The following STK33 variants were observed in gnomAD, a reference collection of about 807,000 sequenced individuals.
The protein encoded by STK33 is serine/threonine-protein kinase 33.
STK33 carries 52 observed loss-of-function variants against 58.0 expected under a neutral mutation model. That is an observed-to-expected ratio of 0.90 (90% CI 0.72 to 1.13). The LOEUF (loss-of-function observed/expected upper bound fraction) is 1.13. STK33 is among the 50% of genes most tolerant of loss of function. STK33 has a pLI of 0.00. For synonymous variants in STK33, 215 were observed against 200.1 expected, an observed-to-expected ratio of 1.07 and a Z score of -0.63; for missense variants, 630 against 604.2, an observed-to-expected ratio of 1.04 and a Z score of -0.45.
chr11:8,451,342 CA>C (rs1946249255), intron 11 of STK33, among the ~76,000 whole-genome samples: 1 of 152,062 alleles, frequency 6.6e-6, no homozygotes, highest in African/African-American at 2.4e-5. Flanking sequence ...ACATGTGCAT[CA>C]GGGGTAAGTA....
Position 8,392,375 on chromosome 11 carries a change from A to G in STK33, c.*135T>C. On this transcript the variant is annotated 3_prime_UTR_variant, in exon 16 of 16. Transcript: ENST00000687296. The stretch of plus-strand genomic sequence containing the variant: ...AGCAGCTTCAATTTTAAGCTGGTGC[A>G]AACACATGGCGGGGCTCTGTGGAGC... 2.9e-6 allele frequency: 3 copies of G among 1,033,458 alleles called. No homozygotes were observed. The highest frequency in any genetic ancestry group is 4.5e-5 in the Admixed American group (2 of 44,066). 64.0% of individuals were successfully genotyped at this position (1,033,458 alleles called of 1,614,324 possible).
chr11:8,380,273 T>C, the STK33 span, among the ~76,000 whole-genome samples: 2 of 152,128 alleles, frequency 1.3e-5, no homozygotes, highest in South Asian at 4.1e-4. Flanking sequence ...AGAACGGCCA[T>C]TATTGGCCAG....
chr11:8,531,553 G>A lies in STK33; in HGVS notation c.-465-50939C>T, dbSNP rs577709695. On this transcript the variant is annotated intron_variant, in intron 1 of 15. Transcript: ENST00000687296. ...AGCTGTCAACAGATGCTGGCGGATG[G>A]CAGGAGCTGAGCTGGGAGCTTAGCT... Among the ~76,000 whole-genome samples, 6 of 152,324 alleles carry A rather than the reference G, an allele frequency of 3.9e-5. No individual in the cohort carries two copies. In the East Asian group the frequency reaches 1.2e-3, roughly 29 times the overall value.
At chr11:8,535,614 A>C (rs535948278) in intron 1 of STK33, among the ~76,000 whole-genome samples, 6 of 152,314 alleles carry the variant, frequency 3.9e-5, no homozygotes, top group Admixed American at 3.3e-4. Flanking sequence ...GAGAAAAGGG[A>C]ACTCTTATAA....
Position 8,464,820 on chromosome 11 carries a change from T to A in STK33, c.342A>T (p.Glu114Asp), listed in dbSNP as rs1432695610. The change falls in exon 7 of 16, where the codon GAA (glutamate) becomes GAT (aspartate). Residue 114 changes from glutamate to aspartate, a missense_variant and splice_region_variant. Glu to Asp is a conservative substitution (Grantham distance 45). Coordinates refer to ENST00000687296, the MANE Select transcript of STK33 (RefSeq NM_001352389.2). ...CCAATATTCTTCCAAAGGTATAGAT[T>A]TCCTGGAGAAAAAAAAAAAAAGAGT... ...IRIENGAAIE[E>D]IYTFGRILGK... 1 of 1,584,150 alleles carries A rather than the reference T, an allele frequency of 6.3e-7. No individual in the cohort carries two copies. The highest frequency in any genetic ancestry group is 1.7e-5 in the Admixed American group (1 of 57,396).
intron 1 of STK33, among the ~76,000 whole-genome samples, chr11:8,522,714 CAAA>C (rs1371393846): frequency 1.3e-5 from 2 of 152,144 alleles, no homozygotes; most frequent in South Asian, 2.1e-4. Context: ...GTCAGCAAAA[CAAA>C]AAAAGGCAAT....
chr11:8,499,804 C>T (rs997093090), intron 1 of STK33, among the ~76,000 whole-genome samples: 1 of 151,998 alleles, frequency 6.6e-6, no homozygotes, highest in African/African-American at 2.4e-5. Context: ...ATCATTCTCA[C>T]CAAACTAACA....
At chr11:8,371,169 G>C in the STK33 span, among the ~76,000 whole-genome samples, 1 of 152,150 alleles carries the variant, frequency 6.6e-6, no homozygotes, top group Non-Finnish European at 1.5e-5. Context: ...ACCTTGTTTG[G>C]TAAAAACGCT....
chr11:8,406,002 G>A (rs1418402168), intron 15 of STK33, among the ~76,000 whole-genome samples: 1 of 152,052 alleles, frequency 6.6e-6, no homozygotes, highest in East Asian at 1.9e-4. Context: ...AATTAGCCGG[G>A]CATGGTGGCG....
intron 1 of STK33, among the ~76,000 whole-genome samples, chr11:8,513,552 C>T (rs1252516191): frequency 2.6e-5 from 4 of 152,156 alleles, no homozygotes; most frequent in South Asian, 2.1e-4. Flanking sequence ...CTACACTGCT[C>T]GTAGATCCAA....
chr11:8,521,301 G>C (rs1452829982), intron 1 of STK33, among the ~76,000 whole-genome samples: 2 of 152,092 alleles, frequency 1.3e-5, no homozygotes, highest in Non-Finnish European at 2.9e-5. Flanking sequence ...GAACAGAACA[G>C]AGCCCTTGGA....
At chr11:8,438,265 G>A (rs570533531) in intron 12 of STK33, among the ~76,000 whole-genome samples, 6 of 152,260 alleles carry the variant, frequency 3.9e-5, no homozygotes, top group African/African-American at 1.2e-4. Context: ...TGCACATCCA[G>A]AAAAGGGAAT....
chr11:8,563,934 G>C (rs1453041778), intron 1 of STK33, among the ~76,000 whole-genome samples: 1 of 151,960 alleles, frequency 6.6e-6, no homozygotes, highest in Non-Finnish European at 1.5e-5. Context: ...CTGAACTGTG[G>C]GGAAAAAAAA....
At chr11:8,343,903 C>G in the STK33 span, among the ~76,000 whole-genome samples, 51 of 152,280 alleles carry the variant, frequency 3.3e-4, 1 homozygote, top group East Asian at 9.1e-3. Flanking sequence ...CCCATTCCCC[C>G]CAAGGGAATC....
intron 15 of STK33, among the ~76,000 whole-genome samples, chr11:8,394,237 CT>C (rs1476388579): frequency 1.3e-5 from 2 of 152,174 alleles, no homozygotes; most frequent in Non-Finnish European, 2.9e-5. Flanking sequence ...TACAACACCC[CT>C]GATGTTAGAG....
chr11:8,511,484 G>C (rs1952318832), intron 1 of STK33, among the ~76,000 whole-genome samples: 1 of 152,106 alleles, frequency 6.6e-6, no homozygotes, highest in Non-Finnish European at 1.5e-5. Context: ...TCTCTTGTCT[G>C]ATTGCTGTGG....
chr11:8,586,652 C>T (rs921692436), intron 1 of STK33, among the ~76,000 whole-genome samples: 3 of 151,832 alleles, frequency 2.0e-5, no homozygotes, highest in African/African-American at 4.8e-5. Flanking sequence ...GGTGAAACCC[C>T]GTCTGTACTA....
At position 8,481,247 on chromosome 11, in the gene STK33, C is replaced by G. The variant is rs371226920; in HGVS notation, c.-465-633G>C. Reference sequence around the variant, plus strand: ...CCAGACCTCTGCAAACTTGACAACTCCAAACAGTCTACAACAAAACACCAA... The same window carrying G: ...CCAGACCTCTGCAAACTTGACAACTGCAAACAGTCTACAACAAAACACCAA... On this transcript the variant is annotated intron_variant, in intron 1 of 15. Coordinates refer to ENST00000687296, the MANE Select transcript of STK33 (RefSeq NM_001352389.2). Among the ~76,000 whole-genome samples, 19 of 152,306 alleles carry G rather than the reference C, an allele frequency of 1.2e-4. No individual in the cohort carries two copies. The East Asian group carries it at 2.3e-3, about 19-fold the overall frequency.
chr11:8,515,117 C>T (rs1952658061), intron 1 of STK33, among the ~76,000 whole-genome samples: 2 of 151,296 alleles, frequency 1.3e-5, no homozygotes, highest in South Asian at 4.2e-4. Flanking sequence ...GGAGAAAATA[C>T]AAAATATTGA....
Sources: allele counts gnomAD v4.1 joint callset (sites outside exome capture counted in the v4.1 genomes callset), GRCh38; gene constraint gnomAD v4.1.1; transcripts MANE v1.5; gene names NCBI Gene and HGNC (gene_info 2026-07-23, HGNC 2026-07-21).